Variants in BACE1 observed in about 807,000 individuals in gnomAD.
BACE1 encodes the protein APP beta-secretase.
A neutral mutation model predicts 54.0 loss-of-function variants in BACE1; 21 were observed. That is an observed-to-expected ratio of 0.39 (90% CI 0.28 to 0.56). BACE1 has a LOEUF of 0.56. Ranked by LOEUF, BACE1 falls within the 20% of genes least tolerant of loss-of-function variation. The pLI is 0.63. For missense variants in BACE1, 511 were observed against 661.2 expected (o/e 0.77, Z 2.49); for synonymous variants, 232 against 260.9 (o/e 0.89, Z 1.07).
intron 1 of BACE1, among the ~76,000 whole-genome samples, chr11:117,306,688 G>C (rs991886011): frequency 1.3e-5 from 2 of 152,096 alleles, no homozygotes; most frequent in Non-Finnish European, 2.9e-5. Context: ...GTGCGTGCCC[G>C]TAGTCCTAGC....
intron 2 of BACE1, chr11:117,295,763 A>C (rs2034584420): frequency 2.2e-6 from 3 of 1,378,604 alleles, no homozygotes; most frequent in Non-Finnish European, 2.9e-6. Context: ...GTACCATCCG[A>C]GTGGTAGAGA....
At chr11:117,297,161 C>A in intron 1 of BACE1, 200 bp from the exon 2 acceptor site, 1 of 534,656 alleles carries the variant, frequency 1.9e-6, no homozygotes, top group Non-Finnish European at 3.3e-6. Context: ...GCTGCAGGGG[C>A]CAAAGGAACA....
intron 2 of BACE1, chr11:117,295,632 A>G: frequency 3.3e-6 from 5 of 1,530,918 alleles, no homozygotes; most frequent in Non-Finnish European, 4.4e-6. Flanking sequence ...GGCTTTGTGC[A>G]TTGTGCCTGC....
chr11:117,307,823 A>T (rs1354028233), intron 1 of BACE1, among the ~76,000 whole-genome samples: 5 of 152,096 alleles, frequency 3.3e-5, no homozygotes, highest in African/African-American at 9.7e-5. Context: ...CTTGTGTGCA[A>T]CCCGAGGCCC....
chr11:117,292,333 G>A (rs1199247803), intron 5 of BACE1: 1 of 152,068 alleles, frequency 6.6e-6, no homozygotes, highest in Non-Finnish European at 1.5e-5. Flanking sequence ...TGGGACTACA[G>A]GTGCCTGCCA....
intron 1 of BACE1, among the ~76,000 whole-genome samples, chr11:117,308,678 G>A (rs187322205): frequency 2.6e-5 from 4 of 152,032 alleles, no homozygotes; most frequent in East Asian, 1.9e-4. Context: ...GGCTGGGTGC[G>A]GTGGCTCATA....
At chr11:117,291,992 A>T (rs2034453327) in intron 5 of BACE1, 179 bp from the exon 6 acceptor site, 4 of 472,722 alleles carry the variant, frequency 8.5e-6, no homozygotes, top group Non-Finnish European at 1.6e-5. Flanking sequence ...TAAAGTGAGG[A>T]TAAAAATAGC....
intron 1 of BACE1, among the ~76,000 whole-genome samples, chr11:117,304,964 C>CTTTTTTTT (rs59652945): frequency 1.6e-5 from 2 of 125,510 alleles, no homozygotes; most frequent in Non-Finnish European, 1.7e-5. Flanking sequence ...TCTTCCTATT[C>CTTTTTTTT]TTTTTTTTTT....
chr11:117,293,181 C>G lies in BACE1; in HGVS notation c.713G>C (p.Gly238Ala). 6.2e-7 allele frequency: 1 copy of G among 1,613,486 alleles called. No individual in the cohort carries two copies. The highest frequency in any genetic ancestry group is 8.5e-7 in the Non-Finnish European group (1 of 1,179,784). Residue 238 changes from glycine to alanine, a missense_variant, in exon 5 of 9, where the codon GGA (glycine) becomes GCA (alanine). By Grantham distance (60) the Gly-to-Ala change is moderately conservative. Around this residue, in one of 2 missense-constraint regions of BACE1, gnomAD observed 407 missense variants for 565.7 expected, o/e 0.72. Transcript: ENST00000313005. This position sits in a 1 kb window ranked among gnomAD's most constrained non-coding sequence, Gnocchi z 4.1. ...TGTGTACAGCGAGTGGTCGATACCT[C>G]CAATGATCTAGGGAAAAAAAGAGGC... Reference protein sequence around the residue: ...LASVGGSMIIGGIDHSLYTGS... With the variant: ...LASVGGSMIIAGIDHSLYTGS...
chr11:117,292,922 A>G, intron 5 of BACE1, 132 bp downstream of exon 5: 1 of 1,110,050 alleles, frequency 9.0e-7, no homozygotes, highest in Non-Finnish European at 1.3e-6. Flanking sequence ...TGACTGTTCT[A>G]GGCTCAACTT....
At position 117,309,420 on chromosome 11, in the gene BACE1, C is replaced by T. The variant is rs202027723; in HGVS notation, c.261+6115G>A. Reference sequence around the variant, plus strand: ...CTTTTCTTCATGAAGTGCTCCTCCTCACCACTCTCCATATTGCAAAGCTTT... The same window carrying T: ...CTTTTCTTCATGAAGTGCTCCTCCTTACCACTCTCCATATTGCAAAGCTTT... On this transcript the variant is annotated intron_variant, in intron 1 of 8. Coordinates refer to ENST00000313005, the MANE Select transcript of BACE1 (RefSeq NM_012104.6). Among the ~76,000 whole-genome samples, 3 of 152,340 alleles carry T rather than the reference C, an allele frequency of 2.0e-5. No homozygotes were observed. The East Asian group carries it at 5.8e-4, about 29-fold the overall frequency.
In BACE1 at chr11:117,286,140, G is replaced by T. The variant is rs184140400; in HGVS notation, c.*3426C>A. On this transcript the variant is annotated 3_prime_UTR_variant, in exon 9 of 9. Coordinates refer to ENST00000313005, the MANE Select transcript of BACE1 (RefSeq NM_012104.6). The stretch of plus-strand genomic sequence containing the variant: ...CAAAATTACTTGTAGAATGATCTTG[G>T]GATGCTGGATTTTAATTTTTGAAGC... The T allele has an allele frequency of 3.8e-4, 58 of 152,708 alleles. No individual in the cohort carries two copies. Among genetic ancestry groups the T allele is most frequent in the African/African-American group, 1.4e-3 (57 of 41,538 alleles). The allele number at this position is 152,708 out of a possible 1,614,324, so 9.5% of individuals were successfully genotyped here. A position where few individuals can be genotyped will look rare whatever the true frequency, so the allele number is the denominator to read the frequency against.
At chr11:117,294,928 T>A (rs1025760952) in intron 3 of BACE1, among the ~76,000 whole-genome samples, 2 of 152,060 alleles carry the variant, frequency 1.3e-5, no homozygotes, top group African/African-American at 4.8e-5. Flanking sequence ...GCACAGCCTA[T>A]TCTTGTACCT....
chr11:117,299,622 T>G, intron 1 of BACE1: 1 of 375,794 alleles, frequency 2.7e-6, no homozygotes. Flanking sequence ...TGGTTTCCAT[T>G]CCCCTCCCTG....
chr11:117,301,962 C>G (rs970185572), intron 1 of BACE1, among the ~76,000 whole-genome samples: 2 of 152,234 alleles, frequency 1.3e-5, no homozygotes, highest in Non-Finnish European at 2.9e-5. Context: ...GTTTTGTGCA[C>G]TGCAGCCAGA....
chr11:117,290,331 G>A (rs999143051), intron 8 of BACE1, among the ~76,000 whole-genome samples, 157 bp downstream of exon 8: 2 of 152,128 alleles, frequency 1.3e-5, no homozygotes, highest in African/African-American at 2.4e-5. Context: ...AAAAAAGGAC[G>A]AGCATTGACA....
chr11:117,290,546 G>A lies in BACE1; in HGVS notation c.1206C>T (p.Phe402=). 6.2e-7 allele frequency: 1 copy of A among 1,614,210 alleles called. No individual in the cohort carries two copies. Among genetic ancestry groups the A allele is most frequent in the Non-Finnish European group, 8.5e-7 (1 of 1,180,052 alleles). Residue 402 remains phenylalanine, a synonymous_variant, in exon 8 of 9, where the codon TTC becomes TTT. Coordinates refer to ENST00000313005, the MANE Select transcript of BACE1 (RefSeq NM_012104.6). ...TTCGGGCCCGATCAAAGACAACGTAGAAGCCCTCCATGATAACAGCTCCCA... is the reference window on the plus strand; with the variant it reads ...TTCGGGCCCGATCAAAGACAACGTAAAAGCCCTCCATGATAACAGCTCCCA... ...TVMGAVIMEG[F]YVVFDRARKR...
intron 8 of BACE1, among the ~76,000 whole-genome samples, chr11:117,290,268 G>A (rs1040684262): frequency 1.3e-5 from 2 of 152,156 alleles, no homozygotes; most frequent in Non-Finnish European, 2.9e-5. Flanking sequence ...GCTGCTCTGG[G>A]TTTCCAACAG....
intron 7 of BACE1, 76 bp from the exon 8 acceptor site, chr11:117,290,735 C>T: frequency 7.0e-6 from 11 of 1,577,548 alleles, no homozygotes; most frequent in South Asian, 1.2e-5. Context: ...GGCATCTATG[C>T]CCTTCCCTTT....
Sources: gnomAD v4.1 joint callset for allele counts (sites outside exome capture counted in the v4.1 genomes callset) on GRCh38, gnomAD v4.1.1 for gene constraint, gnomAD v4.1.1 regional missense constraint, Gnocchi (gnomAD v3.1) non-coding constraint, MANE v1.5 for transcripts, NCBI Gene and HGNC (gene_info 2026-07-23, HGNC 2026-07-21) for gene names.